CD27: variants seen among roughly 807,000 people sequenced by gnomAD.
CD27 encodes CD27 molecule, also known as CD27 antigen.
In CD27, 16 loss-of-function variants were observed where a neutral mutation model predicts 25.9. The observed-to-expected ratio is 0.62, with a 90% CI of 0.42 to 0.94. CD27 has a LOEUF of 0.94. Among genes scored for constraint, CD27 ranks in the 40% least tolerant of loss-of-function variants. CD27 has a pLI of 0.00. For synonymous variants in CD27, 142 were observed against 124.3 expected (o/e 1.14, Z -0.95); for missense variants, 300 against 333.2 (o/e 0.90, Z 0.78).
chr12:6,444,664 T>TGGG (rs57782770), upstream of CD27, among the ~76,000 whole-genome samples: 11 of 71,106 alleles, frequency 1.5e-4, no homozygotes, highest in African/African-American at 6.5e-4. Flanking sequence ...GGGGGGTGGG[T>TGGG]GGGGGGGGGT....
chr12:6,450,383 C>A lies in CD27; in HGVS notation c.448+31C>A. 1 of 1,598,220 alleles carries A rather than the reference C, an allele frequency of 6.3e-7. No homozygotes were observed. The highest frequency in any genetic ancestry group is 1.1e-5 in the South Asian group (1 of 90,016). Reference sequence around the variant, plus strand: ...TTCCAGGCAACTCTCTGTGCCATCACGTGGGGTAGCGGTGATACCCCAACC... The same window carrying A: ...TTCCAGGCAACTCTCTGTGCCATCAAGTGGGGTAGCGGTGATACCCCAACC... On this transcript the variant is annotated intron_variant, in intron 3 of 5. Coordinates refer to ENST00000266557, the MANE Select transcript of CD27 (RefSeq NM_001242.5). The surrounding 1 kb of genome is among the most constrained non-coding windows in gnomAD (Gnocchi z 4.1).
At chr12:6,444,350 T>G (rs1949382992), upstream of CD27, among the ~76,000 whole-genome samples, 1 of 152,138 alleles carries the variant, frequency 6.6e-6, no homozygotes, top group Admixed American at 6.5e-5. Flanking sequence ...AGACCTCAAT[T>G]GAGACAAGGC....
At position 6,450,223 on chromosome 12, in the gene CD27, C is replaced by T. The variant is rs371761387; in HGVS notation, c.319C>T (p.Arg107Cys). The T allele has an allele frequency of 4.2e-5, 68 of 1,613,582 alleles. No individual in the cohort carries two copies. Among genetic ancestry groups the T allele is most frequent in the Middle Eastern group, 1.6e-4 (1 of 6,084 alleles). Residue 107 changes from arginine to cysteine, a missense_variant, in exon 3 of 6, where the codon CGC (arginine) becomes TGC (cysteine). Arg to Cys is a radical substitution (Grantham distance 180, BLOSUM62 -3). Transcript: ENST00000266557. This position sits in a 1 kb window ranked among gnomAD's most constrained non-coding sequence, Gnocchi z 4.1. ...CACTGCCAATGCTGAGTGTGCCTGT[C>T]GCAATGGCTGGCAGTGCAGGGACAA... ...TITANAECACRNGWQCRDKEC... is the reference protein window; with the variant it reads ...TITANAECACCNGWQCRDKEC...
chr12:6,446,290 T>C (rs79050548), intron 2 of CD27, among the ~76,000 whole-genome samples: 2,614 of 152,300 alleles, frequency 0.017, 32 homozygotes, highest in Middle Eastern at 0.054. Flanking sequence ...ACTGGGTCTC[T>C]TGGTACTGGG....
chr12:6,446,047 T>A lies in CD27; in HGVS notation c.268+492T>A, dbSNP rs140845603. Among the ~76,000 whole-genome samples, 1,005 of 152,046 alleles carry A rather than the reference T, an allele frequency of 6.6e-3. 42 individuals are homozygous for A. Among genetic ancestry groups the A allele is most frequent in the Admixed American group, 0.056 (853 of 15,262 alleles). On this transcript the variant is annotated intron_variant, in intron 2 of 5. Transcript: ENST00000266557. ...TGTAGCCTGTGTTTTTATTTTATAG[T>A]TCCAAAAAAAAAGGTTTTTTTTAAA...
At chr12:6,444,671 G>GT (rs1565507352), upstream of CD27, among the ~76,000 whole-genome samples, 1 of 140,096 alleles carries the variant, frequency 7.1e-6, no homozygotes, top group Non-Finnish European at 1.5e-5. Context: ...GGGTGGGGGG[G>GT]GGTAACGTGG....
intron 2 of CD27, among the ~76,000 whole-genome samples, chr12:6,448,989 G>C (rs1416041635): frequency 3.6e-5 from 5 of 139,302 alleles, no homozygotes; most frequent in Non-Finnish European, 7.7e-5. Context: ...AATATACTTT[G>C]TTTTGTTTTT....
rs757920860 is a variant in CD27, at chr12:6,450,630, C to T, written c.538C>T (p.Pro180Ser). 1.4e-5 allele frequency: 23 copies of T among 1,611,276 alleles called. No individual in the cohort carries two copies. Among genetic ancestry groups the T allele is most frequent in the East Asian group, 2.2e-5 (1 of 44,898 alleles). The change falls in exon 4 of 6, where the codon CCC becomes TCC. Residue 180 changes from proline (P) to serine (S), a missense_variant and splice_region_variant. Physicochemically the swap from Pro to Ser is moderately conservative, Grantham distance 74. Coordinates refer to ENST00000266557, the MANE Select transcript of CD27 (RefSeq NM_001242.5). This position sits in a 1 kb window ranked among gnomAD's most constrained non-coding sequence, Gnocchi z 4.1. Reference protein sequence around the residue: ...PARTLSTHWPPQRSLCSSDFI... With the variant: ...PARTLSTHWPSQRSLCSSDFI... Reference sequence around the variant, plus strand: ...CCGGACTCTCTCTACCCACTGGCCACGTGAGTTTTCTCCTTAATCCCCACC... The same window carrying T: ...CCGGACTCTCTCTACCCACTGGCCATGTGAGTTTTCTCCTTAATCCCCACC...
In CD27 at chr12:6,449,414, A is replaced by G. The variant is rs1477879653; in HGVS notation, c.269-759A>G. On this transcript the variant is annotated intron_variant, in intron 2 of 5. Transcript: ENST00000266557. ...CTGCAACTTCCACCTCCCGGGTTCA[A>G]GCAATTCCCTGCCTCACCCGGCTAT... Among the ~76,000 whole-genome samples, 4 of 150,764 alleles carry G rather than the reference A, an allele frequency of 2.7e-5. No individual in the cohort carries two copies. In the South Asian group the frequency reaches 8.4e-4, roughly 32 times the overall value.
At chr12:6,447,323 C>T (rs1389252537) in intron 2 of CD27, 2 of 152,202 alleles carry the variant, frequency 1.3e-5, no homozygotes, top group Non-Finnish European at 2.9e-5. Flanking sequence ...AGCCCATCTT[C>T]AGTCCCTTCA....
At chr12:6,444,544 A>C (rs1949384500), upstream of CD27, among the ~76,000 whole-genome samples, 1 of 151,346 alleles carries the variant, frequency 6.6e-6, no homozygotes, top group Non-Finnish European at 1.5e-5. Flanking sequence ...GAGCTTGTGG[A>C]CCTGTGCTCA....
rs1949524126 is a variant in CD27 at position 6,450,761 on chromosome 12, G to A, written c.538+131G>A. ...AAAGCAGAGTCCACTGTTTAGGAGA[G>A]GAGTTGGCCAACGGTGGCGGGTGGG... On this transcript the variant is annotated intron_variant, in intron 4 of 5. Coordinates refer to ENST00000266557, the MANE Select transcript of CD27 (RefSeq NM_001242.5). The surrounding 1 kb of genome is among the most constrained non-coding windows in gnomAD (Gnocchi z 4.1). 4.2e-6 allele frequency: 6 copies of A among 1,424,546 alleles called. No homozygotes were observed. Among genetic ancestry groups the A allele is most frequent in the South Asian group, 1.2e-5 (1 of 83,688 alleles). 88.2% of individuals were successfully genotyped at this position (1,424,546 alleles called of 1,614,324 possible).
rs1592117677 is a variant in CD27 at position 6,445,536 on chromosome 12, C to CT, written c.250dup (p.Cys84LeufsTer5). On this transcript the variant is annotated frameshift_variant, in exon 2 of 6. Transcript: ENST00000266557. LOFTEE classifies it high-confidence loss of function. The surrounding 1 kb of genome is among the most constrained non-coding windows in gnomAD (Gnocchi z 4.5). ...ACCACACCCGGCCCCACTGTGAGAG[C>CT]TGTCGGCACTGTAACTCTGGTGAGG... The CT allele has an allele frequency of 3.7e-6, 6 of 1,613,750 alleles. No homozygotes were observed. Among genetic ancestry groups the CT allele is most frequent in the Non-Finnish European group, 5.1e-6 (6 of 1,180,018 alleles).
At position 6,451,557 on chromosome 12, in the gene CD27, G is replaced by C; in HGVS notation, c.*165G>C. 2 of 707,596 alleles carry C rather than the reference G, an allele frequency of 2.8e-6. No individual in the cohort carries two copies. Among genetic ancestry groups the C allele is most frequent in the Non-Finnish European group, 4.6e-6 (2 of 439,352 alleles). 43.8% of individuals were successfully genotyped at this position (707,596 alleles called of 1,614,324 possible). A position where few individuals can be genotyped will look rare whatever the true frequency, so the allele number is the denominator to read the frequency against. The stretch of plus-strand genomic sequence containing the variant: ...GTGCCTTTTCGAGACTGGCAGGGAC[G>C]AGGACAAATATGGATGAGGTGGAGA... On this transcript the variant is annotated 3_prime_UTR_variant, in exon 6 of 6. Coordinates refer to ENST00000266557, the MANE Select transcript of CD27 (RefSeq NM_001242.5).
chr12:6,444,672 G>T (rs1432028719), upstream of CD27, among the ~76,000 whole-genome samples: 2 of 139,260 alleles, frequency 1.4e-5, no homozygotes, highest in African/African-American at 2.7e-5. Flanking sequence ...GGTGGGGGGG[G>T]GTAACGTGGG....
rs749266346 is a variant in CD27 at position 6,445,493 on chromosome 12, T to C, written c.206T>C (p.Val69Ala). 11 of 1,613,778 alleles carry C rather than the reference T, an allele frequency of 6.8e-6. No homozygotes were observed. The Middle Eastern group carries it at 4.9e-4, about 73-fold the overall frequency. ...AAQCDPCIPG[V>A]SFSPDHHTRP... is the part of the protein sequence containing the mutation. ...CAGTGTGATCCTTGCATACCGGGGG[T>C]CTCCTTCTCTCCTGACCACCACACC... The change falls in exon 2 of 6, where the codon GTC becomes GCC. Residue 69 changes from valine to alanine, a missense_variant. By Grantham distance (64) the Val-to-Ala change is moderately conservative. Transcript: ENST00000266557. The surrounding 1 kb of genome is among the most constrained non-coding windows in gnomAD (Gnocchi z 4.5).
chr12:6,449,160 C>A lies in CD27; in HGVS notation c.269-1013C>A, dbSNP rs1949471324. ...TACAGGTGTGCACCACCACACCCAG[C>A]TAATTTTTGTATTTTTTGTAGAGAC... On this transcript the variant is annotated intron_variant, in intron 2 of 5. Transcript: ENST00000266557. Among the ~76,000 whole-genome samples, 4 of 151,986 alleles carry A rather than the reference C, an allele frequency of 2.6e-5. No homozygotes were observed. In the South Asian group the frequency reaches 8.3e-4, roughly 32 times the overall value.
upstream of CD27, among the ~76,000 whole-genome samples, chr12:6,444,235 G>T (rs1331500811): frequency 1.3e-5 from 2 of 152,174 alleles, no homozygotes; most frequent in Non-Finnish European, 2.9e-5. Flanking sequence ...GAGGATTAAA[G>T]GAGAGCATAG....
rs146726863 is a variant in CD27 at position 6,445,132 on chromosome 12, G to T, written c.37G>T (p.Gly13Trp). 12 of 1,607,394 alleles carry T rather than the reference G, an allele frequency of 7.5e-6. No individual in the cohort carries two copies. The highest frequency in any genetic ancestry group is 3.4e-5 in the Admixed American group (2 of 58,244). Residue 13 changes from glycine to tryptophan, a missense_variant, in exon 1 of 6, where the codon GGG becomes TGG. By Grantham distance (184) the Gly-to-Trp change is radical. Coordinates refer to ENST00000266557, the MANE Select transcript of CD27 (RefSeq NM_001242.5). The surrounding 1 kb of genome is among the most constrained non-coding windows in gnomAD (Gnocchi z 4.5). ...ACATCCCTGGTGGCTGTGCGTTCTG[G>T]GGACCCTGGTGGGGCTCTCAGCTAC... ...RPHPWWLCVL[G>W]TLVGLSATPA... is the part of the protein sequence containing the mutation.
Sources: gnomAD v4.1 joint callset for allele counts (sites outside exome capture counted in the v4.1 genomes callset) on GRCh38, gnomAD v4.1.1 for gene constraint, Gnocchi (gnomAD v3.1) non-coding constraint, MANE v1.5 for transcripts, NCBI Gene and HGNC (gene_info 2026-07-23, HGNC 2026-07-21) for gene names.